Variants in LRRC9 observed in about 807,000 individuals in gnomAD.
The protein encoded by LRRC9 is leucine rich repeat containing 9, also known as leucine-rich repeat-containing protein 9.
Under a neutral mutation model 63.2 loss-of-function variants are expected in LRRC9, and 122 were observed. The observed-to-expected ratio is 1.93, with a 90% CI of 1.67 to 2.24. The LOEUF is 2.24. Ranked by LOEUF, LRRC9 falls within the 30% of genes most tolerant of loss-of-function variation. LRRC9 has a pLI of 0.00. For synonymous variants in LRRC9, 366 were observed against 213.1 expected (o/e 1.72, Z -6.25); for missense variants, 1,071 against 627.7 (o/e 1.71, Z -7.55).
At chr14:60,066,702 A>G (rs1420066675), downstream of LRRC9, among the ~76,000 whole-genome samples, 2 of 152,206 alleles carry the variant, frequency 1.3e-5, no homozygotes, top group Admixed American at 1.3e-4. Flanking sequence ...GAAATACCAC[A>G]GCTATTTTAT....
In LRRC9 at chr14:59,938,680, T is replaced by G. The variant is rs1366970128; in HGVS notation, c.726+108T>G. ...GTAGGATTATCAGTTCAGTTCTTGT[T>G]GCCAAGTCTGCTTTTGCCCTAGTGA... On this transcript the variant is annotated intron_variant, in intron 7 of 31. Coordinates refer to ENST00000445360, the Ensembl canonical transcript of LRRC9. This position sits in a 1 kb window ranked among gnomAD's most constrained non-coding sequence, Gnocchi z 4.2. 11 of 485,752 alleles carry G rather than the reference T, an allele frequency of 2.3e-5. No homozygotes were observed. Among genetic ancestry groups the G allele is most frequent in the Middle Eastern group, 5.2e-4 (1 of 1,918 alleles). 30.1% of individuals were successfully genotyped at this position (485,752 alleles called of 1,614,324 possible).
chr14:60,059,926 T>A (rs970985769), intron 31 of LRRC9, among the ~76,000 whole-genome samples: 6 of 152,244 alleles, frequency 3.9e-5, no homozygotes, highest in Admixed American at 3.3e-4. Flanking sequence ...AACAGCCTTA[T>A]ATCAGAAGAA....
chr14:59,950,491 A>G (rs150674), intron 8 of LRRC9, among the ~76,000 whole-genome samples: 1,308 of 5,706 alleles, frequency 0.23, 233 homozygotes, highest in East Asian at 0.55. Flanking sequence ...AATTTAGTCC[A>G]TTTACATTTA....
At position 59,966,627 on chromosome 14, in the gene LRRC9, G is replaced by T; in HGVS notation, c.1250G>T (p.Cys417Phe). ...TATGAATTAATTCTGTCACGTTTTT[G>T]TGCCTGGGACTTCAGAACATACGGT... Residue 417 changes from cysteine to phenylalanine, a missense_variant, in exon 11 of 32, where the codon TGT becomes TTT. Cys to Phe is a radical substitution (Grantham distance 205). Transcript: ENST00000445360. This position sits in a 1 kb window ranked among gnomAD's most constrained non-coding sequence, Gnocchi z 4.0. The T allele has an allele frequency of 2.9e-6, 2 of 690,242 alleles. No homozygotes were observed. Among genetic ancestry groups the T allele is most frequent in the Non-Finnish European group, 5.3e-6 (2 of 378,484 alleles). 42.8% of individuals were successfully genotyped at this position (690,242 alleles called of 1,614,324 possible). A position where few individuals can be genotyped will look rare whatever the true frequency, so the allele number is the denominator to read the frequency against.
At chr14:60,063,457 A>G in exon 32 of LRRC9, 1 of 655,168 alleles carries the variant, frequency 1.5e-6, no homozygotes, top group Non-Finnish European at 2.7e-6. Context: ...AAAAAAAAAA[A>G]AGATAATCAT....
At chr14:60,014,614 G>A (rs987948835) in intron 23 of LRRC9, among the ~76,000 whole-genome samples, 6 of 152,014 alleles carry the variant, frequency 3.9e-5, no homozygotes, top group African/African-American at 1.4e-4. Context: ...GAAATCTGCT[G>A]TCACTTACAT....
At chr14:59,991,841 C>T (rs1888162934) in intron 17 of LRRC9, among the ~76,000 whole-genome samples, 1 of 152,228 alleles carries the variant, frequency 6.6e-6, no homozygotes, top group African/African-American at 2.4e-5. Context: ...GAGCCCACCA[C>T]AGCTCAAGGA....
intron 30 of LRRC9, among the ~76,000 whole-genome samples, chr14:60,056,533 T>C (rs1894294815): frequency 6.6e-6 from 1 of 152,202 alleles, no homozygotes; most frequent in Admixed American, 6.5e-5. Flanking sequence ...CTTACAGTAC[T>C]ATAATGTCAT....
chr14:60,027,828 C>A lies in LRRC9; in HGVS notation c.3704-56C>A. The A allele has an allele frequency of 1.7e-6, 1 of 588,938 alleles. No homozygotes were observed. The highest frequency in any genetic ancestry group is 2.1e-5 in the South Asian group (1 of 46,652). The allele number at this position is 588,938 out of a possible 1,614,324, so 36.5% of individuals were successfully genotyped here. On this transcript the variant is annotated intron_variant, in intron 27 of 31. Transcript: ENST00000445360. This position sits in a 1 kb window ranked among gnomAD's most constrained non-coding sequence, Gnocchi z 4.0. Reference sequence around the variant, plus strand: ...AAAATATTTAAATGTAAGTAGATATCCTTTACTTCAGGAAGTTTGGGCTCA... The same window carrying A: ...AAAATATTTAAATGTAAGTAGATATACTTTACTTCAGGAAGTTTGGGCTCA...
intron 7 of LRRC9, among the ~76,000 whole-genome samples, chr14:59,939,566 T>C (rs1478374981): frequency 1.3e-5 from 2 of 152,030 alleles, no homozygotes; most frequent in Admixed American, 6.6e-5. Flanking sequence ...GATGGTTCGA[T>C]GCATGTTCAT....
At chr14:59,933,249 GTTTCATT>G (rs1889859046) in intron 6 of LRRC9, among the ~76,000 whole-genome samples, 1 of 152,144 alleles carries the variant, frequency 6.6e-6, no homozygotes, top group Admixed American at 6.6e-5. Context: ...CAGTGCCACT[GTTTCATT>G]TTTCCTTTTG....
chr14:59,938,289 A>C lies in LRRC9; in HGVS notation c.544-101A>C. On this transcript the variant is annotated intron_variant, in intron 6 of 31. Transcript: ENST00000445360. The surrounding 1 kb of genome is among the most constrained non-coding windows in gnomAD (Gnocchi z 4.2). ...ATCACTTTAATGTATTTAAGCGCAT[A>C]ATTAGAATGCATTAGACTATGGCTG... 3 of 505,822 alleles carry C rather than the reference A, an allele frequency of 5.9e-6. No individual in the cohort carries two copies. The highest frequency in any genetic ancestry group is 1.0e-5 in the Non-Finnish European group (3 of 287,206). 31.3% of individuals were successfully genotyped at this position (505,822 alleles called of 1,614,324 possible).
intron 1 of LRRC9, among the ~76,000 whole-genome samples, chr14:59,926,178 G>A (rs1232140133): frequency 2.0e-5 from 3 of 152,148 alleles, no homozygotes; most frequent in Non-Finnish European, 2.9e-5. Context: ...TCTGGTTTGT[G>A]TTAATGGGCT....
chr14:60,055,404 A>G (rs1481510179), intron 30 of LRRC9, among the ~76,000 whole-genome samples: 1 of 151,940 alleles, frequency 6.6e-6, no homozygotes, highest in Non-Finnish European at 1.5e-5. Flanking sequence ...TCAGTGACTT[A>G]AGATGATTTC....
chr14:60,045,239 G>A (rs1893315482), intron 29 of LRRC9, among the ~76,000 whole-genome samples: 2 of 151,646 alleles, frequency 1.3e-5, no homozygotes, highest in South Asian at 4.2e-4. Context: ...ATATAGTTGG[G>A]TCTTCTTTCT....
intron 18 of LRRC9, among the ~76,000 whole-genome samples, chr14:59,998,737 A>G (rs781540335): frequency 5.9e-5 from 9 of 152,074 alleles, no homozygotes; most frequent in Non-Finnish European, 1.2e-4. Flanking sequence ...CTCTGTTGCC[A>G]AATTGGATTG....
At chr14:60,063,175 G>A in intron 31 of LRRC9, 148 bp from the exon 33 acceptor site, 1 of 579,052 alleles carries the variant, frequency 1.7e-6, no homozygotes, top group South Asian at 1.9e-5. Context: ...GATTACAGGT[G>A]TGAGCCACCA....
chr14:60,064,904 T>C (rs545501449), downstream of LRRC9, among the ~76,000 whole-genome samples: 1 of 152,200 alleles, frequency 6.6e-6, no homozygotes, highest in Admixed American at 6.5e-5. Context: ...TGGAGAAAAA[T>C]GTTCAGAATA....
chr14:60,029,774 G>A (rs2140321733), intron 28 of LRRC9, among the ~76,000 whole-genome samples: 1 of 152,138 alleles, frequency 6.6e-6, no homozygotes, highest in Middle Eastern at 3.4e-3. Context: ...TATCATGAGA[G>A]ATTCTACATA....
Sources: allele counts gnomAD v4.1 joint callset (sites outside exome capture counted in the v4.1 genomes callset), GRCh38; gene constraint gnomAD v4.1.1; non-coding constraint Gnocchi (gnomAD v3.1); transcripts MANE v1.5; gene names NCBI Gene and HGNC (gene_info 2026-07-23, HGNC 2026-07-21).